NEBL: variants seen among roughly 807,000 people sequenced by gnomAD.
The protein encoded by NEBL is LIM and SH3 protein 2.
Under a neutral mutation model 140.2 loss-of-function variants are expected in NEBL, and 122 were observed. That is an observed-to-expected ratio of 0.87 (90% confidence interval 0.75 to 1.01). NEBL has a LOEUF of 1.01. NEBL is among the 50% of genes least tolerant of loss of function. The probability of loss-of-function intolerance (pLI) is 0.00; values close to 1 mark genes in which losing one functional copy is unlikely to be tolerated. For synonymous variants in NEBL, 436 were observed against 398.9 expected (o/e 1.09, Z -1.11); for missense variants, 1,365 against 1,231.3 (o/e 1.11, Z -1.62).
At chr10:20,810,718 C>A (rs1838057475) in intron 24 of NEBL, among the ~76,000 whole-genome samples, 1 of 152,128 alleles carries the variant, frequency 6.6e-6, no homozygotes, top group Non-Finnish European at 1.5e-5. Context: ...ACAGCTGTAC[C>A]AACAACTGGA....
intron 4 of NEBL, among the ~76,000 whole-genome samples, chr10:20,954,859 TGAAGGGACTTGCAGGCAGAA>T (rs1335162509): frequency 1.3e-5 from 2 of 152,126 alleles, no homozygotes; most frequent in Non-Finnish European, 2.9e-5. Context: ...GGGAGAGGTA[TGAAGGGACTTGCAGGCAGAA>T]GTGTGAAATG....
chr10:20,958,628 G>GA (rs892228522), intron 4 of NEBL, among the ~76,000 whole-genome samples: 13 of 152,020 alleles, frequency 8.6e-5, no homozygotes, highest in Admixed American at 8.5e-4. Context: ...ATTTCATGGG[G>GA]AAAAAAATAA....
chr10:20,895,430 C>T (rs561679732), intron 2 of NEBL, among the ~76,000 whole-genome samples: 13 of 152,266 alleles, frequency 8.5e-5, no homozygotes, highest in African/African-American at 3.1e-4. Flanking sequence ...ACTGCCTCTG[C>T]TTAACTGTGT....
intron 1 of NEBL, among the ~76,000 whole-genome samples, chr10:21,281,600 C>T (rs1437794300): frequency 6.6e-6 from 1 of 152,020 alleles, no homozygotes; most frequent in Admixed American, 6.6e-5. Flanking sequence ...TTCATCCTCC[C>T]CACCATCCAC....
intron 3 of NEBL, among the ~76,000 whole-genome samples, chr10:21,214,157 TGTATAA>T (rs1337033434): frequency 3.3e-5 from 5 of 151,428 alleles, no homozygotes; most frequent in Non-Finnish European, 7.4e-5. Flanking sequence ...ATAATATATA[TGTATAA>T]GTATATGATA....
At chr10:21,124,028 C>G (rs959350848) in intron 2 of NEBL, among the ~76,000 whole-genome samples, 3 of 151,772 alleles carry the variant, frequency 2.0e-5, no homozygotes, top group Non-Finnish European at 4.4e-5. Flanking sequence ...AGAAGGTAGA[C>G]AATATTTGTA....
chr10:21,085,607 C>G (rs920065097), intron 2 of NEBL, among the ~76,000 whole-genome samples: 2 of 152,126 alleles, frequency 1.3e-5, no homozygotes, highest in Admixed American at 1.3e-4. Context: ...TGTACTCCAG[C>G]CTCAGCGACG....
chr10:21,253,035 G>C (rs1335969475), intron 1 of NEBL, among the ~76,000 whole-genome samples: 1 of 152,186 alleles, frequency 6.6e-6, no homozygotes. Context: ...GCTGAGGAGG[G>C]TGGATCACCT....
chr10:20,915,457 C>T (rs1848509426), intron 4 of NEBL, among the ~76,000 whole-genome samples: 1 of 149,820 alleles, frequency 6.7e-6, no homozygotes, highest in South Asian at 2.2e-4. Context: ...TTCCTGTGTC[C>T]ATGTGTTCTC....
intron 2 of NEBL, among the ~76,000 whole-genome samples, chr10:21,116,361 A>C (rs902032940): frequency 6.6e-6 from 1 of 152,104 alleles, no homozygotes; most frequent in African/African-American, 2.4e-5. Flanking sequence ...CACGCAAAAA[A>C]GGTAATCTGT....
chr10:20,890,373 T>C (rs1397126902), intron 2 of NEBL, among the ~76,000 whole-genome samples: 1 of 152,232 alleles, frequency 6.6e-6, no homozygotes, highest in Non-Finnish European at 1.5e-5. Context: ...GTAGTCAGCA[T>C]GACAGATGTG....
chr10:20,927,820 G>A (rs144045282), intron 4 of NEBL, among the ~76,000 whole-genome samples: 2 of 152,214 alleles, frequency 1.3e-5, no homozygotes, highest in Non-Finnish European at 2.9e-5. Flanking sequence ...TTCCTAAACT[G>A]TTTCTGCTTC....
intron 3 of NEBL, among the ~76,000 whole-genome samples, chr10:21,231,811 T>C (rs959886779): frequency 6.6e-5 from 10 of 151,742 alleles, no homozygotes; most frequent in African/African-American, 1.9e-4. Context: ...AAACTAAAAA[T>C]AAAATTCTAC....
At chr10:21,029,418 T>C (rs1833685526) in intron 2 of NEBL, 1 of 1,611,378 alleles carries the variant, frequency 6.2e-7, no homozygotes, top group Non-Finnish European at 8.5e-7. Context: ...AAGGTTTTGG[T>C]TATGCTGAAT....
At chr10:20,847,691 A>C (rs1245615470) in intron 11 of NEBL, among the ~76,000 whole-genome samples, 1 of 152,174 alleles carries the variant, frequency 6.6e-6, no homozygotes, top group African/African-American at 2.4e-5. Flanking sequence ...TGATGCTGCC[A>C]GAAATGTTCT....
At chr10:21,040,525 C>A (rs931912438) in intron 2 of NEBL, among the ~76,000 whole-genome samples, 4 of 152,100 alleles carry the variant, frequency 2.6e-5, no homozygotes, top group Non-Finnish European at 5.9e-5. Context: ...ATGCCAGACT[C>A]CTTTAAACAG....
At chr10:20,998,789 T>G (rs1179499924) in intron 3 of NEBL, among the ~76,000 whole-genome samples, 1 of 152,214 alleles carries the variant, frequency 6.6e-6, no homozygotes, top group Non-Finnish European at 1.5e-5. Flanking sequence ...AGTCACAATC[T>G]GAATTCACAA....
chr10:21,204,857 T>C (rs1841801330), intron 3 of NEBL, among the ~76,000 whole-genome samples: 1 of 152,174 alleles, frequency 6.6e-6, no homozygotes, highest in African/African-American at 2.4e-5. Context: ...CAGAGCCTGC[T>C]GCACTCCCCG....
intron 1 of NEBL, among the ~76,000 whole-genome samples, chr10:21,258,827 C>T (rs767572982): frequency 7.9e-5 from 12 of 152,216 alleles, no homozygotes; most frequent in African/African-American, 1.7e-4. Context: ...TGCAATGAGC[C>T]GAGATCACGG....
Sources: allele counts gnomAD v4.1 joint callset (sites outside exome capture counted in the v4.1 genomes callset), GRCh38; gene constraint gnomAD v4.1.1; transcripts MANE v1.5; gene names NCBI Gene and HGNC (gene_info 2026-07-23, HGNC 2026-07-21).